Variants in KCNIP1 observed in about 807,000 individuals in gnomAD.
KCNIP1 encodes the protein A-type potassium channel modulatory protein KCNIP1.
A neutral mutation model predicts 33.0 loss-of-function variants in KCNIP1; 18 were observed. That is an observed-to-expected ratio of 0.55 (90% CI 0.38 to 0.81). The LOEUF is 0.81. Ranked by LOEUF, KCNIP1 falls within the 30% of genes least tolerant of loss-of-function variation. The probability of loss-of-function intolerance (pLI) is 0.00; values close to 1 mark genes in which losing one functional copy is unlikely to be tolerated. For missense variants in KCNIP1, 238 were observed against 271.6 expected, an observed-to-expected ratio of 0.88 and a Z score of 0.87; for synonymous variants, 93 against 98.3, an observed-to-expected ratio of 0.95 and a Z score of 0.32.
intron 1 of KCNIP1, among the ~76,000 whole-genome samples, chr5:170,458,465 A>G (rs1410776071): frequency 6.6e-6 from 1 of 150,582 alleles, no homozygotes; most frequent in African/African-American, 2.4e-5. Context: ...CAGGTAATCT[A>G]TAAAGGGAAA....
At chr5:170,686,473 T>C (rs1258565913) in intron 1 of KCNIP1, among the ~76,000 whole-genome samples, 1 of 152,200 alleles carries the variant, frequency 6.6e-6, no homozygotes, top group Non-Finnish European at 1.5e-5. Context: ...CTATAATCAT[T>C]GGCCTTTAGG....
chr5:170,602,270 C>G (rs753878226), intron 1 of KCNIP1, among the ~76,000 whole-genome samples: 34 of 152,220 alleles, frequency 2.2e-4, no homozygotes, highest in Non-Finnish European at 3.7e-4. Context: ...GCCCTTCCCA[C>G]TCACCACTTC....
chr5:170,452,846 A>G (rs568146867), intron 1 of KCNIP1, among the ~76,000 whole-genome samples: 1 of 152,346 alleles, frequency 6.6e-6, no homozygotes, highest in South Asian at 2.1e-4. Context: ...TGATTAAGGA[A>G]TTGTTATTCA....
intron 1 of KCNIP1, among the ~76,000 whole-genome samples, chr5:170,585,587 C>A (rs1322423119): frequency 6.6e-6 from 1 of 152,152 alleles, no homozygotes; most frequent in African/African-American, 2.4e-5. Context: ...AGCCTGTCAG[C>A]CCCCTGCCTC....
chr5:170,604,183 C>T (rs1172433955), intron 1 of KCNIP1, among the ~76,000 whole-genome samples: 2 of 151,876 alleles, frequency 1.3e-5, no homozygotes, highest in African/African-American at 2.4e-5. Flanking sequence ...TGGGAAGGGC[C>T]GGGGAGAAGG....
chr5:170,586,956 GC>G (rs1758010830), intron 1 of KCNIP1, among the ~76,000 whole-genome samples: 1 of 152,218 alleles, frequency 6.6e-6, no homozygotes, highest in East Asian at 1.9e-4. Context: ...GGAGCTCACA[GC>G]CCAGTGGGGA....
intron 1 of KCNIP1, among the ~76,000 whole-genome samples, chr5:170,651,348 G>A (rs1266267804): frequency 1.3e-5 from 2 of 152,152 alleles, no homozygotes; most frequent in African/African-American, 4.8e-5. Context: ...AAGGCAGGTG[G>A]GTTCTAGAAC....
At chr5:170,710,696 T>C (rs1763415051) in intron 1 of KCNIP1, among the ~76,000 whole-genome samples, 1 of 152,228 alleles carries the variant, frequency 6.6e-6, no homozygotes, top group Admixed American at 6.5e-5. Flanking sequence ...TTTTAAATCC[T>C]TTTTATCCAG....
chr5:170,639,086 A>T (rs1044713565), intron 1 of KCNIP1: 1 of 152,200 alleles, frequency 6.6e-6, no homozygotes, highest in Non-Finnish European at 1.5e-5. Flanking sequence ...TCCCCATGAC[A>T]CTGACCCAAG....
At chr5:170,434,264 G>A (rs191291822) in intron 1 of KCNIP1, among the ~76,000 whole-genome samples, 1 of 152,022 alleles carries the variant, frequency 6.6e-6, no homozygotes. Context: ...TGAGAATTAC[G>A]CATGTACGCA....
At chr5:170,371,058 T>C (rs986203097) in intron 1 of KCNIP1, among the ~76,000 whole-genome samples, 1 of 152,208 alleles carries the variant, frequency 6.6e-6, no homozygotes, top group Admixed American at 6.5e-5. Flanking sequence ...AAAGTAGAGA[T>C]GAATGAGAGG....
chr5:170,519,871 T>C (rs1755291588), intron 1 of KCNIP1, among the ~76,000 whole-genome samples: 1 of 152,136 alleles, frequency 6.6e-6, no homozygotes, highest in Admixed American at 6.5e-5. Flanking sequence ...ATTTGTATTG[T>C]TGTGATTGTT....
At chr5:170,593,134 A>G (rs1758322014) in intron 1 of KCNIP1, among the ~76,000 whole-genome samples, 1 of 152,282 alleles carries the variant, frequency 6.6e-6, no homozygotes, top group South Asian at 2.1e-4. Flanking sequence ...ATGCTTTTAC[A>G]TAGTTGGAAT....
At chr5:170,711,412 C>T (rs1763438711) in intron 1 of KCNIP1, among the ~76,000 whole-genome samples, 1 of 152,218 alleles carries the variant, frequency 6.6e-6, no homozygotes, top group South Asian at 2.1e-4. Context: ...TGCTTCTAAA[C>T]ATATCTATAT....
chr5:170,580,493 C>T (rs1349650522), intron 1 of KCNIP1, among the ~76,000 whole-genome samples: 4 of 152,166 alleles, frequency 2.6e-5, no homozygotes, highest in East Asian at 1.9e-4. Context: ...GCCCCCAAGT[C>T]GGTAGACTTC....
In KCNIP1 at chr5:170,548,236, C is replaced by A. The variant is rs371571871; in HGVS notation, c.61+43603C>A. ...TGAAATGTTCAAACCTCTTTTATTTCATTAAGCATATAAATTTTGCCATCT... is the reference window on the plus strand; with the variant it reads ...TGAAATGTTCAAACCTCTTTTATTTAATTAAGCATATAAATTTTGCCATCT... On this transcript the variant is annotated intron_variant, in intron 1 of 7. Coordinates refer to ENST00000328939, the MANE Select transcript of KCNIP1 (RefSeq NM_014592.4). Among the ~76,000 whole-genome samples, 23 of 152,290 alleles carry A rather than the reference C, an allele frequency of 1.5e-4. No individual in the cohort carries two copies. In the South Asian group the frequency reaches 4.6e-3, roughly 30 times the overall value.
At chr5:170,626,195 T>C (rs1421060562) in intron 1 of KCNIP1, among the ~76,000 whole-genome samples, 1 of 152,212 alleles carries the variant, frequency 6.6e-6, no homozygotes, top group Non-Finnish European at 1.5e-5. Flanking sequence ...CCACGCATGC[T>C]CTAATCATTA....
chr5:170,384,373 C>G (rs1764379547), intron 1 of KCNIP1, among the ~76,000 whole-genome samples: 1 of 152,156 alleles, frequency 6.6e-6, no homozygotes, highest in Non-Finnish European at 1.5e-5. Flanking sequence ...GTGTTCTTTC[C>G]CCTAAAAGGA....
At chr5:170,557,029 C>A (rs1756868669) in intron 1 of KCNIP1, among the ~76,000 whole-genome samples, 1 of 152,176 alleles carries the variant, frequency 6.6e-6, no homozygotes, top group Non-Finnish European at 1.5e-5. Context: ...GGTCCCTTAG[C>A]CTCCCTCAGC....
Sources: gnomAD v4.1 joint callset for allele counts (sites outside exome capture counted in the v4.1 genomes callset) on GRCh38, gnomAD v4.1.1 for gene constraint, MANE v1.5 for transcripts, NCBI Gene and HGNC (gene_info 2026-07-23, HGNC 2026-07-21) for gene names.